ROBO2: variants seen among roughly 807,000 people sequenced by gnomAD.
ROBO2 encodes roundabout homolog 2.
Under a neutral mutation model 160.8 loss-of-function variants are expected in ROBO2, and 53 were observed. That is an observed-to-expected ratio of 0.33 (90% confidence interval 0.26 to 0.41). ROBO2 has a LOEUF of 0.41. Among genes scored for constraint, ROBO2 ranks in the 10% least tolerant of loss-of-function variants. The probability of loss-of-function intolerance (pLI) is 1.00; values close to 1 mark genes in which losing one functional copy is unlikely to be tolerated. For synonymous variants in ROBO2, 664 were observed against 611.7 expected (o/e 1.09, Z -1.26); for missense variants, 1,577 against 1,722.4 (o/e 0.92, Z 1.49).
chr3:75,980,877 TAAC>T (rs1347514551), intron 2 of ROBO2, among the ~76,000 whole-genome samples: 3 of 147,942 alleles, frequency 2.0e-5, no homozygotes, highest in Non-Finnish European at 4.5e-5. Flanking sequence ...TAGGGAATAA[TAAC>T]ATGCATTATG....
At chr3:75,996,633 A>T (rs2065733945) in intron 2 of ROBO2, among the ~76,000 whole-genome samples, 1 of 152,210 alleles carries the variant, frequency 6.6e-6, no homozygotes, top group African/African-American at 2.4e-5. Flanking sequence ...ATTTGTAATT[A>T]CTTGATTATA....
chr3:76,537,642 C>T (rs192896361), intron 2 of ROBO2, among the ~76,000 whole-genome samples: 108 of 152,114 alleles, frequency 7.1e-4, no homozygotes, highest in African/African-American at 2.3e-3. Context: ...ACCAGTCTCC[C>T]GAAGGAGTCC....
At chr3:76,205,367 G>A (rs1702750482) in intron 2 of ROBO2, among the ~76,000 whole-genome samples, 1 of 151,992 alleles carries the variant, frequency 6.6e-6, no homozygotes, top group Admixed American at 6.6e-5. Context: ...AGTACCTTTT[G>A]GAAAAGAGAA....
intron 13 of ROBO2, among the ~76,000 whole-genome samples, chr3:77,568,943 A>G (rs911819411): frequency 1.3e-5 from 2 of 152,028 alleles, no homozygotes; most frequent in Admixed American, 1.3e-4. Flanking sequence ...TTCACTCTGC[A>G]TAATGTTTTT....
intron 5 of ROBO2, among the ~76,000 whole-genome samples, chr3:77,508,159 A>G (rs1239613943): frequency 6.6e-6 from 1 of 151,666 alleles, no homozygotes; most frequent in African/African-American, 2.4e-5. Flanking sequence ...AACTGCAGGG[A>G]GCTTCAATAA....
intron 2 of ROBO2, among the ~76,000 whole-genome samples, chr3:76,543,349 T>G (rs2082916350): frequency 6.6e-6 from 1 of 152,070 alleles, no homozygotes; most frequent in South Asian, 2.1e-4. Flanking sequence ...CTGGTGTCCT[T>G]ATAAGAAAAG....
chr3:77,199,945 T>C (rs62251824), intron 2 of ROBO2, among the ~76,000 whole-genome samples: 5,809 of 128,414 alleles, frequency 0.045, 146 homozygotes, highest in Middle Eastern at 0.082. Context: ...TTATTCTTTA[T>C]ATTCCATTGA....
chr3:76,312,386 G>A (rs982232051), intron 2 of ROBO2, among the ~76,000 whole-genome samples: 1 of 152,084 alleles, frequency 6.6e-6, no homozygotes, highest in Admixed American at 6.5e-5. Flanking sequence ...CAATATCTCA[G>A]CAGGATTTTC....
chr3:76,834,083 T>TTTCTTTCC (rs2109370514), intron 2 of ROBO2, among the ~76,000 whole-genome samples: 1 of 144,470 alleles, frequency 6.9e-6, no homozygotes, highest in South Asian at 2.3e-4. Flanking sequence ...TCTTTCTTTC[T>TTTCTTTCC]TTCTTTCTTT....
At chr3:76,562,439 ATCTCTCTCTCTC>A (rs10598282) in intron 2 of ROBO2, among the ~76,000 whole-genome samples, 5 of 147,226 alleles carry the variant, frequency 3.4e-5, no homozygotes, top group African/African-American at 5.0e-5. Flanking sequence ...TATAAGATTG[ATCTCTCTCTCTC>A]TCTCTCTCTC....
At chr3:76,497,465 G>A (rs1476689107) in intron 2 of ROBO2, among the ~76,000 whole-genome samples, 1 of 152,128 alleles carries the variant, frequency 6.6e-6, no homozygotes, top group Non-Finnish European at 1.5e-5. Flanking sequence ...CAAAGTGCTG[G>A]GATTATAGGC....
At chr3:76,630,906 G>A (rs1232287982) in intron 2 of ROBO2, among the ~76,000 whole-genome samples, 1 of 152,102 alleles carries the variant, frequency 6.6e-6, no homozygotes, top group Non-Finnish European at 1.5e-5. Flanking sequence ...TGCAAAGAAG[G>A]GGAAAATGGG....
chr3:77,048,793 A>G lies in ROBO2; in HGVS notation c.61+7947A>G, dbSNP rs552909275. Among the ~76,000 whole-genome samples, 12 of 152,346 alleles carry G rather than the reference A, an allele frequency of 7.9e-5. No homozygotes were observed. The South Asian group carries it at 1.0e-3, about 13-fold the overall frequency. On this transcript the variant is annotated intron_variant, in intron 1 of 25. Transcript: ENST00000461745. Reference sequence around the variant, plus strand: ...TATGCATATCAGAAAGGATAGCCTGAATAAAACAATATCATTACTATTGTG... The same window carrying G: ...TATGCATATCAGAAAGGATAGCCTGGATAAAACAATATCATTACTATTGTG...
chr3:77,010,649 T>C (rs1029718039), intron 2 of ROBO2, among the ~76,000 whole-genome samples: 1 of 152,128 alleles, frequency 6.6e-6, no homozygotes, highest in African/African-American at 2.4e-5. Context: ...GATGCCTTTC[T>C]TCAGATGGTT....
chr3:76,726,950 A>C (rs752956920), intron 2 of ROBO2, among the ~76,000 whole-genome samples: 5 of 152,160 alleles, frequency 3.3e-5, no homozygotes, highest in Non-Finnish European at 7.4e-5. Context: ...GTGTTATTAC[A>C]ACCTGAATTA....
intron 2 of ROBO2, chr3:76,435,127 A>C: frequency 1.0e-6 from 1 of 976,890 alleles, no homozygotes; most frequent in Non-Finnish European, 1.7e-6. Flanking sequence ...GATAACTGTA[A>C]GAAGCTTGGT....
chr3:76,140,472 T>C (rs2071591190), intron 2 of ROBO2, among the ~76,000 whole-genome samples: 1 of 151,898 alleles, frequency 6.6e-6, no homozygotes, highest in Admixed American at 6.6e-5. Flanking sequence ...TGTACTGAAG[T>C]GTATGTAGGG....
intron 2 of ROBO2, among the ~76,000 whole-genome samples, chr3:76,716,259 C>T (rs2107659173): frequency 6.6e-6 from 1 of 152,238 alleles, no homozygotes; most frequent in Non-Finnish European, 1.5e-5. Flanking sequence ...TTTTTGGAGT[C>T]TCTATCAAAT....
intron 2 of ROBO2, among the ~76,000 whole-genome samples, chr3:76,406,022 A>G (rs554966291): frequency 2.6e-5 from 4 of 151,836 alleles, no homozygotes; most frequent in East Asian, 3.9e-4. Context: ...ATAGATGTCT[A>G]TATATGGCAA....
Sources: allele counts gnomAD v4.1 joint callset (sites outside exome capture counted in the v4.1 genomes callset), GRCh38; gene constraint gnomAD v4.1.1; transcripts MANE v1.5; gene names NCBI Gene and HGNC (gene_info 2026-07-23, HGNC 2026-07-21).